The following NOSTRIN variants were observed in gnomAD, a reference collection of about 807,000 sequenced individuals.
NOSTRIN encodes the protein nitric oxide synthase trafficking, also known as BM247 homolog.
Under a neutral mutation model 59.0 loss-of-function variants are expected in NOSTRIN, and 63 were observed. That is an observed-to-expected ratio of 1.07 (90% confidence interval 0.87 to 1.32). The LOEUF is 1.32. NOSTRIN is among the 40% of genes most tolerant of loss of function. The pLI is 0.00. For missense variants in NOSTRIN, 512 were observed against 473.1 expected (o/e 1.08, Z -0.76); for synonymous variants, 200 against 165.4 (o/e 1.21, Z -1.61).
intron 8 of NOSTRIN, among the ~76,000 whole-genome samples, chr2:168,845,790 C>CTTCTTTTTTTTT (rs36186706): frequency 3.6e-5 from 5 of 140,630 alleles, no homozygotes; most frequent in African/African-American, 5.4e-5. Context: ...TTTTTTCTTC[C>CTTCTTTTTTTTT]TTTTTTTTTT....
rs932946960 is a variant in NOSTRIN at position 168,843,255 on chromosome 2, A to G, written c.630+138A>G. The G allele has an allele frequency of 7.3e-6, 4 of 549,066 alleles. No homozygotes were observed. In the African/African-American group the frequency reaches 7.6e-5, roughly 10 times the overall value. 34.0% of individuals were successfully genotyped at this position (549,066 alleles called of 1,614,324 possible). ...CACATATTGTGACTTCAGACAAACC[A>G]CATTTCCTCTCATTGTTTCAGTTTC... On this transcript the variant is annotated intron_variant, in intron 8 of 15. Coordinates refer to ENST00000317647, the MANE Select transcript of NOSTRIN (RefSeq NM_001039724.4).
intron 2 of NOSTRIN, among the ~76,000 whole-genome samples, chr2:168,788,750 G>A (rs912948233): frequency 9.9e-5 from 15 of 152,272 alleles, no homozygotes; most frequent in African/African-American, 2.6e-4. Flanking sequence ...AGAGAAAACC[G>A]AATGAACTTA....
chr2:168,862,536 A>AACTT (rs1689529184), intron 15 of NOSTRIN, among the ~76,000 whole-genome samples: 1 of 128,360 alleles, frequency 7.8e-6, no homozygotes, highest in African/African-American at 2.6e-5. Flanking sequence ...CTCCTCTCTC[A>AACTT]ACTTAGTGTA....
intron 7 of NOSTRIN, among the ~76,000 whole-genome samples, chr2:168,839,298 A>G (rs1687923639): frequency 6.6e-6 from 1 of 152,188 alleles, no homozygotes; most frequent in African/African-American, 2.4e-5. Flanking sequence ...AGCACTTACT[A>G]TGAGCCAAAT....
chr2:168,797,079 C>CTTTTTTTTTTTTTTTTTTTTT (rs775176252), upstream of NOSTRIN, among the ~76,000 whole-genome samples: 50 of 75,032 alleles, frequency 6.7e-4, 1 homozygote, highest in African/African-American at 2.2e-3. Flanking sequence ...TTTCTTTTTT[C>CTTTTTTTTTTTTTTTTTTTTT]TTTTTTTTTT....
chr2:168,814,945 G>T (rs924476643), intron 2 of NOSTRIN, among the ~76,000 whole-genome samples: 1 of 152,164 alleles, frequency 6.6e-6, no homozygotes, highest in Admixed American at 6.5e-5. Flanking sequence ...ATAGTTAAGG[G>T]TTTTTAAAAA....
chr2:168,845,688 T>A (rs985080262), intron 8 of NOSTRIN, among the ~76,000 whole-genome samples: 1 of 152,154 alleles, frequency 6.6e-6, no homozygotes, highest in African/African-American at 2.4e-5. Flanking sequence ...TTTCTTACAG[T>A]CTTCCTGATG....
Position 168,845,969 on chromosome 2 carries a change from C to T in NOSTRIN, c.630+2852C>T, listed in dbSNP as rs137917467. ...TTAGTTCATACAGCTTCTCCTACCC[C>T]ACCTTCCTCTGAGTTCTCTCCTGCC... On this transcript the variant is annotated intron_variant, in intron 8 of 15. Coordinates refer to ENST00000317647, the MANE Select transcript of NOSTRIN (RefSeq NM_001039724.4). Among the ~76,000 whole-genome samples the T allele has an allele frequency of 9.5e-4, 144 of 152,150 alleles. No homozygotes were observed. In the Middle Eastern group the frequency reaches 0.01, roughly 11 times the overall value.
At chr2:168,864,715 G>A in intron 15 of NOSTRIN, 119 bp from the exon 16 acceptor site, 1 of 1,146,966 alleles carries the variant, frequency 8.7e-7, no homozygotes, top group Admixed American at 2.1e-5. Context: ...TGAATCAAGT[G>A]CAGAAAATGA....
upstream of NOSTRIN, among the ~76,000 whole-genome samples, chr2:168,800,302 G>T (rs1285088072): frequency 6.6e-6 from 1 of 152,194 alleles, no homozygotes; most frequent in Non-Finnish European, 1.5e-5. Flanking sequence ...GTCATTTGAA[G>T]CCACTGGGTT....
rs373128594 is a variant in NOSTRIN, at chr2:168,825,370, C to T, written c.197+653C>T. On this transcript the variant is annotated intron_variant, in intron 3 of 15. Coordinates refer to ENST00000317647, the MANE Select transcript of NOSTRIN (RefSeq NM_001039724.4). ...CTCCTAAGGCCACATTCATAATAGGCCTTGGTAATGATATTTAACTTGGGA... is the reference window on the plus strand; with the variant it reads ...CTCCTAAGGCCACATTCATAATAGGTCTTGGTAATGATATTTAACTTGGGA... Among the ~76,000 whole-genome samples, 8 of 152,140 alleles carry T rather than the reference C, an allele frequency of 5.3e-5. No homozygotes were observed. In the East Asian group the frequency reaches 5.8e-4, roughly 11 times the overall value.
chr2:168,839,900 A>AAAAAAAAAAAAAAAG (rs1553529218), intron 7 of NOSTRIN, among the ~76,000 whole-genome samples: 1 of 123,234 alleles, frequency 8.1e-6, no homozygotes, highest in African/African-American at 3.1e-5. Context: ...AAAAAAAAAA[A>AAAAAAAAAAAAAAAG]ATATATATAT....
At chr2:168,863,831 G>GAGTT (rs1308898952) in intron 15 of NOSTRIN, among the ~76,000 whole-genome samples, 1 of 152,164 alleles carries the variant, frequency 6.6e-6, no homozygotes, top group Non-Finnish European at 1.5e-5. Context: ...CACCAAGAAA[G>GAGTT]AGTTTGGTGA....
Position 168,831,633 on chromosome 2 carries a change from C to T in NOSTRIN, c.405+99C>T, listed in dbSNP as rs557931096. On this transcript the variant is annotated intron_variant, in intron 6 of 15. Transcript: ENST00000317647. ...ATGACATGTTCTAGCATTAGTACTT[C>T]TAAGTGCTAACTGAAGAGAAAAATG... is the stretch of plus-strand genomic sequence containing the variant. The T allele has an allele frequency of 8.3e-6, 6 of 719,086 alleles. No individual in the cohort carries two copies. The East Asian group carries it at 1.3e-4, about 15-fold the overall frequency. The allele number at this position is 719,086 out of a possible 1,614,324, so 44.5% of individuals were successfully genotyped here. A position where few individuals can be genotyped will look rare whatever the true frequency, so the allele number is the denominator to read the frequency against.
chr2:168,805,230 A>C (rs1471931256), intron 1 of NOSTRIN, among the ~76,000 whole-genome samples: 1 of 152,232 alleles, frequency 6.6e-6, no homozygotes, highest in African/African-American at 2.4e-5. Context: ...GAGCAAGGTC[A>C]GTGTTTGAGT....
At chr2:168,806,567 T>C (rs1282690237) in intron 1 of NOSTRIN, among the ~76,000 whole-genome samples, 1 of 150,238 alleles carries the variant, frequency 6.7e-6, no homozygotes, top group Non-Finnish European at 1.5e-5. Context: ...CAGTTGTCTA[T>C]TTGAGAAGGG....
upstream of NOSTRIN, among the ~76,000 whole-genome samples, chr2:168,801,464 C>A (rs1685613256): frequency 6.6e-6 from 1 of 151,988 alleles, no homozygotes; most frequent in Non-Finnish European, 1.5e-5. Flanking sequence ...CTCAAGTGAC[C>A]CTCTAGGCTC....
chr2:168,862,177 G>GAT (rs1689499886), intron 15 of NOSTRIN, 128 bp downstream of exon 15: 5 of 749,546 alleles, frequency 6.7e-6, no homozygotes, highest in Non-Finnish European at 1.1e-5. Context: ...CTTCTTGAAA[G>GAT]ATAAGCACAT....
At chr2:168,863,098 AATTG>A (rs914612856) in intron 15 of NOSTRIN, among the ~76,000 whole-genome samples, 14 of 152,152 alleles carry the variant, frequency 9.2e-5, no homozygotes, top group Admixed American at 6.6e-5. Flanking sequence ...ATTCACAATA[AATTG>A]ATTATCTTGT....
Sources: gnomAD v4.1 joint callset for allele counts (sites outside exome capture counted in the v4.1 genomes callset) on GRCh38, gnomAD v4.1.1 for gene constraint, MANE v1.5 for transcripts, NCBI Gene and HGNC (gene_info 2026-07-23, HGNC 2026-07-21) for gene names.